The following DOCK4 variants were observed in gnomAD, a reference collection of about 807,000 sequenced individuals.
DOCK4 encodes the protein dedicator of cytokinesis 4, also known as dedicator of cytokinesis protein 4.
Under a neutral mutation model 268.1 loss-of-function variants are expected in DOCK4, and 97 were observed. The observed-to-expected ratio is 0.36, with a 90% CI of 0.31 to 0.43. The LOEUF is 0.43. Among genes scored for constraint, DOCK4 ranks in the 20% least tolerant of loss-of-function variants. The pLI is 1.00. For synonymous variants in DOCK4, 954 were observed against 887.2 expected (o/e 1.08, Z -1.34); for missense variants, 2,145 against 2,455.7 (o/e 0.87, Z 2.67).
At chr7:112,093,891 A>C (rs1428508929) in intron 1 of DOCK4, among the ~76,000 whole-genome samples, 1 of 150,994 alleles carries the variant, frequency 6.6e-6, no homozygotes, top group Non-Finnish European at 1.5e-5. Flanking sequence ...AAAAAAAAAA[A>C]ACAGAAAAAG....
chr7:111,735,413 AC>A (rs1795406675), intron 50 of DOCK4, among the ~76,000 whole-genome samples: 1 of 152,210 alleles, frequency 6.6e-6, no homozygotes, highest in Admixed American at 6.5e-5. Flanking sequence ...ACAAATCTTT[AC>A]ACTGGGGTGT....
chr7:111,783,740 T>C (rs1283458188), intron 34 of DOCK4, 117 bp downstream of exon 34: 6 of 897,834 alleles, frequency 6.7e-6, no homozygotes, highest in Non-Finnish European at 8.7e-6. Flanking sequence ...CCAGGTTCCA[T>C]GGTCTGATAA....
At chr7:111,923,543 C>A (rs1444919894) in intron 12 of DOCK4, among the ~76,000 whole-genome samples, 1 of 152,124 alleles carries the variant, frequency 6.6e-6, no homozygotes, top group Non-Finnish European at 1.5e-5. Flanking sequence ...CTGCTTATAA[C>A]TTTCACTTCT....
At chr7:111,802,122 T>A (rs1800345589) in intron 30 of DOCK4, among the ~76,000 whole-genome samples, 1 of 152,278 alleles carries the variant, frequency 6.6e-6, no homozygotes, top group African/African-American at 2.4e-5. Flanking sequence ...GCATTTGCAA[T>A]TCCTTCCCTC....
chr7:111,759,254 A>G (rs1054658823), intron 40 of DOCK4, among the ~76,000 whole-genome samples: 3 of 152,202 alleles, frequency 2.0e-5, no homozygotes, highest in East Asian at 1.9e-4. Flanking sequence ...CAGAAACTAG[A>G]ACACTGACGA....
In DOCK4 at chr7:112,205,832, C is replaced by T. The variant is rs749418354; in HGVS notation, c.37+270G>A. Among the ~76,000 whole-genome samples, 15 of 152,202 alleles carry T rather than the reference C, an allele frequency of 9.9e-5. 1 individual carries two copies. The highest frequency in any genetic ancestry group is 2.2e-4 in the Non-Finnish European group (15 of 68,008). ...GCCACTCCAAACTCCGCAGGCAGAG[C>T]CCGAAGCTAGCGGGCCGGCCGCGCG... On this transcript the variant is annotated intron_variant, in intron 1 of 52. Transcript: ENST00000428084.
intron 1 of DOCK4, among the ~76,000 whole-genome samples, chr7:112,144,860 G>A (rs575532036): frequency 1.3e-4 from 20 of 152,268 alleles, no homozygotes; most frequent in Non-Finnish European, 2.2e-4. Context: ...GACTACTGAC[G>A]CAAAGCGAGC....
chr7:112,063,323 G>C (rs1806610901), intron 1 of DOCK4, among the ~76,000 whole-genome samples: 4 of 152,140 alleles, frequency 2.6e-5, no homozygotes. Flanking sequence ...TAATACAGAT[G>C]CTCCTCATTT....
chr7:112,069,631 C>T (rs113948361), intron 1 of DOCK4, among the ~76,000 whole-genome samples: 2 of 152,172 alleles, frequency 1.3e-5, no homozygotes, highest in East Asian at 3.9e-4. Flanking sequence ...CTCTTTAAAA[C>T]TTGGCTTCCT....
At chr7:111,954,625 T>C (rs142593647) in intron 8 of DOCK4, among the ~76,000 whole-genome samples, 1,631 of 152,242 alleles carry the variant, frequency 0.011, 10 homozygotes, top group African/African-American at 0.018. Flanking sequence ...GGAAGACACA[T>C]ACCCCCTGAA....
Position 111,850,815 on chromosome 7 carries a change from T to C in DOCK4, c.2474-3689A>G, listed in dbSNP as rs1023834531. 6.0e-5 allele frequency among the ~76,000 whole-genome samples: 9 copies of C among 149,586 alleles called. No individual in the cohort carries two copies. In the Admixed American group the frequency reaches 6.0e-4, roughly 10 times the overall value. On this transcript the variant is annotated intron_variant, in intron 23 of 52. Coordinates refer to ENST00000428084, the MANE Select transcript of DOCK4 (RefSeq NM_001363540.2). ...AAATCCCATAAAACTGCCCCACCCA[T>C]CTCCCTTTGCTGACTCCTTTTTCGG...
chr7:112,077,974 C>T lies in DOCK4; in HGVS notation c.38-73843G>A, dbSNP rs1186839658. Among the ~76,000 whole-genome samples, 6 of 152,128 alleles carry T rather than the reference C, an allele frequency of 3.9e-5. No individual in the cohort carries two copies. In the East Asian group the frequency reaches 9.6e-4, roughly 24 times the overall value. On this transcript the variant is annotated intron_variant, in intron 1 of 52. Coordinates refer to ENST00000428084, the MANE Select transcript of DOCK4 (RefSeq NM_001363540.2). ...TTGTGTTTTGTATTTATTAGAAATA[C>T]AAGCCTAAGTGAGTAAAATTCTATT...
intron 13 of DOCK4, among the ~76,000 whole-genome samples, chr7:111,906,423 A>G (rs1490283640): frequency 1.3e-5 from 2 of 152,182 alleles, no homozygotes; most frequent in African/African-American, 4.8e-5. Context: ...AGTCATTTTG[A>G]GAGAAAATGT....
intron 1 of DOCK4, among the ~76,000 whole-genome samples, chr7:112,097,394 T>C (rs1402952502): frequency 6.6e-6 from 1 of 151,722 alleles, no homozygotes; most frequent in African/African-American, 2.4e-5. Context: ...AGCAATGTAG[T>C]GAGATCTCAT....
rs757810573 is a variant in DOCK4 at position 111,808,887 on chromosome 7, A to G, written c.3108-8T>C. The stretch of plus-strand genomic sequence containing the variant: ...ACCCGCATGTCACCATACCTGAAAT[A>G]GAACAAAAAACCAAACCTGATACAA... On this transcript the variant is annotated splice_region_variant and splice_polypyrimidine_tract_variant and intron_variant, in intron 29 of 52. Coordinates refer to ENST00000428084, the MANE Select transcript of DOCK4 (RefSeq NM_001363540.2). 1 of 1,612,264 alleles carries G rather than the reference A, an allele frequency of 6.2e-7. No homozygotes were observed. Among genetic ancestry groups the G allele is most frequent in the Non-Finnish European group, 8.5e-7 (1 of 1,179,172 alleles).
chr7:112,110,559 A>G (rs1486713634), intron 1 of DOCK4, among the ~76,000 whole-genome samples: 1 of 152,204 alleles, frequency 6.6e-6, no homozygotes, highest in Non-Finnish European at 1.5e-5. Context: ...GGTCACATTC[A>G]TCAGTGGGCA....
chr7:111,833,175 T>G (rs1159363822), intron 26 of DOCK4, among the ~76,000 whole-genome samples: 1 of 152,188 alleles, frequency 6.6e-6, no homozygotes, highest in African/African-American at 2.4e-5. Flanking sequence ...CTCTTCCTTT[T>G]GACATTATGG....
chr7:112,137,453 G>A (rs1393122672), intron 1 of DOCK4, among the ~76,000 whole-genome samples: 4 of 151,780 alleles, frequency 2.6e-5, no homozygotes, highest in Admixed American at 1.3e-4. Flanking sequence ...CCTTTGGTCC[G>A]AGATCACACA....
At chr7:112,040,303 G>T (rs929151715) in intron 1 of DOCK4, among the ~76,000 whole-genome samples, 3 of 152,162 alleles carry the variant, frequency 2.0e-5, no homozygotes, top group African/African-American at 7.2e-5. Flanking sequence ...ACCACATGTA[G>T]ACACTGTACT....
Sources: gnomAD v4.1 joint callset for allele counts (sites outside exome capture counted in the v4.1 genomes callset) on GRCh38, gnomAD v4.1.1 for gene constraint, MANE v1.5 for transcripts, NCBI Gene and HGNC (gene_info 2026-07-23, HGNC 2026-07-21) for gene names.